DAPK1: variants seen among roughly 807,000 people sequenced by gnomAD.
DAPK1 encodes the protein death associated protein kinase 1.
A neutral mutation model predicts 144.9 loss-of-function variants in DAPK1; 56 were observed. That is an observed-to-expected ratio of 0.39 (90% CI 0.31 to 0.48). The LOEUF (loss-of-function observed/expected upper bound fraction) is 0.48, where lower values mean the gene tolerates loss of function less well. Among genes scored for constraint, DAPK1 ranks in the 20% least tolerant of loss-of-function variants. The pLI is 0.95. For synonymous variants in DAPK1, 690 were observed against 749.0 expected (o/e 0.92, Z 1.29); for missense variants, 1,454 against 1,875.4 (o/e 0.78, Z 4.15).
intron 2 of DAPK1, among the ~76,000 whole-genome samples, chr9:87,575,870 C>T (rs1466149166): frequency 6.6e-6 from 1 of 152,170 alleles, no homozygotes; most frequent in East Asian, 1.9e-4. Flanking sequence ...TTCTCAGGCA[C>T]TAAGGTGCTC....
chr9:87,692,952 CTT>C (rs61324273), intron 21 of DAPK1, among the ~76,000 whole-genome samples: 9 of 26,404 alleles, frequency 3.4e-4, no homozygotes, highest in East Asian at 1.3e-3. Flanking sequence ...AGTGACTAGA[CTT>C]TTTTTTTTTT....
chr9:87,702,868 T>C (rs1564078915), intron 24 of DAPK1, among the ~76,000 whole-genome samples, 161 bp from the exon 25 acceptor site: 2 of 151,104 alleles, frequency 1.3e-5, no homozygotes, highest in Non-Finnish European at 2.9e-5. Flanking sequence ...CGAGACCCAG[T>C]CTAAAAAAAG....
At chr9:87,705,994 G>A (rs1308824390) in intron 25 of DAPK1, 138 bp from the exon 26 acceptor site, 10 of 602,210 alleles carry the variant, frequency 1.7e-5, no homozygotes, top group East Asian at 7.7e-5. Flanking sequence ...ACGCATCCAC[G>A]TGGAATGGCC....
At position 87,706,798 on chromosome 9, in the gene DAPK1, C is replaced by T. The variant is rs756349430; in HGVS notation, c.3727C>T (p.Arg1243Trp). The change falls in exon 26 of 26, where the codon CGG becomes TGG. Residue 1243 changes from arginine (R) to tryptophan (W), a missense_variant. Coordinates refer to ENST00000408954, the MANE Select transcript of DAPK1 (RefSeq NM_004938.4). The surrounding 1 kb of genome is among the most constrained non-coding windows in gnomAD (Gnocchi z 9.0). ...GCATTACCTGAGCCCCCAGCAGCTGCGGGAGCACCATGAGCCCGTCATGAT... is the reference window on the plus strand; with the variant it reads ...GCATTACCTGAGCCCCCAGCAGCTGTGGGAGCACCATGAGCCCGTCATGAT... Reference protein sequence around the residue: ...VKHYLSPQQLREHHEPVMIYQ... With the variant: ...VKHYLSPQQLWEHHEPVMIYQ... 2 of 1,613,352 alleles carry T rather than the reference C, an allele frequency of 1.2e-6. No individual in the cohort carries two copies. The highest frequency in any genetic ancestry group is 1.7e-6 in the Non-Finnish European group (2 of 1,179,726).
At chr9:87,567,181 A>T (rs1167386972) in intron 2 of DAPK1, among the ~76,000 whole-genome samples, 1 of 152,172 alleles carries the variant, frequency 6.6e-6, no homozygotes, top group Non-Finnish European at 1.5e-5. Context: ...GACTTTAGAA[A>T]TGCTTGGCCT....
chr9:87,610,742 C>T (rs1179364231), intron 3 of DAPK1, among the ~76,000 whole-genome samples: 2 of 152,230 alleles, frequency 1.3e-5, no homozygotes, highest in African/African-American at 2.4e-5. Flanking sequence ...CCCTGAGGCC[C>T]CACCCCGAAG....
intron 2 of DAPK1, among the ~76,000 whole-genome samples, chr9:87,526,059 G>C (rs1825495584): frequency 6.6e-6 from 1 of 151,250 alleles, no homozygotes; most frequent in African/African-American, 2.4e-5. Context: ...TGTAATCCTA[G>C]CACTTTGGGA....
intron 24 of DAPK1, among the ~76,000 whole-genome samples, chr9:87,702,450 A>T (rs894223711): frequency 3.3e-5 from 5 of 152,210 alleles, no homozygotes; most frequent in Admixed American, 6.5e-5. Context: ...AATATTGATG[A>T]TGATACTCAT....
Position 87,664,245 on chromosome 9 carries a change from G to A in DAPK1, c.1924-4352G>A, listed in dbSNP as rs531517864. Among the ~76,000 whole-genome samples, 4 of 152,180 alleles carry A rather than the reference G, an allele frequency of 2.6e-5. No individual in the cohort carries two copies. The East Asian group carries it at 7.7e-4, about 29-fold the overall frequency. On this transcript the variant is annotated intron_variant, in intron 18 of 25. Transcript: ENST00000408954. ...TGTGGCTGGGTCCTGGGAAGCCCCT[G>A]CCGGCTCCCCCATCATGGAGTTGTC...
chr9:87,519,765 C>T (rs1825224165), intron 2 of DAPK1, among the ~76,000 whole-genome samples: 2 of 152,264 alleles, frequency 1.3e-5, no homozygotes, highest in African/African-American at 4.8e-5. Flanking sequence ...AGGTGGGGCC[C>T]AACCTTCTCG....
At chr9:87,657,000 G>A (rs1169466114) in intron 17 of DAPK1, among the ~76,000 whole-genome samples, 2 of 152,122 alleles carry the variant, frequency 1.3e-5, no homozygotes, top group Non-Finnish European at 2.9e-5. Context: ...TTTAAAAAGA[G>A]CATGTGTTAA....
intron 3 of DAPK1, chr9:87,632,180 G>A (rs997608523): frequency 5.5e-6 from 5 of 903,332 alleles, no homozygotes. Flanking sequence ...AGGAGTATGA[G>A]TATATATGTA....
chr9:87,559,500 A>C (rs910307827), intron 2 of DAPK1, among the ~76,000 whole-genome samples: 1 of 152,140 alleles, frequency 6.6e-6, no homozygotes, highest in African/African-American at 2.4e-5. Flanking sequence ...AATATTCTTT[A>C]ATTTTAGTTA....
intron 3 of DAPK1, among the ~76,000 whole-genome samples, chr9:87,621,811 C>T (rs1381954220): frequency 6.6e-6 from 1 of 152,164 alleles, no homozygotes; most frequent in African/African-American, 2.4e-5. Flanking sequence ...GCACCCCTCT[C>T]TACCCTCTCC....
intron 2 of DAPK1, among the ~76,000 whole-genome samples, chr9:87,538,125 G>A (rs181812725): frequency 1.5e-3 from 223 of 152,268 alleles, no homozygotes; most frequent in African/African-American, 5.2e-3. Flanking sequence ...CAAGACAATA[G>A]TTGTGGAATC....
chr9:87,638,188 G>C (rs1039101242), intron 4 of DAPK1, 107 bp downstream of exon 4: 2 of 1,224,324 alleles, frequency 1.6e-6, no homozygotes, highest in East Asian at 4.8e-5. Flanking sequence ...TGATTTTCCT[G>C]TACCAGTTTA....
chr9:87,566,671 C>A (rs745957070), intron 2 of DAPK1, among the ~76,000 whole-genome samples: 1 of 151,956 alleles, frequency 6.6e-6, no homozygotes, highest in African/African-American at 2.4e-5. Flanking sequence ...CTGATTGTGA[C>A]AAATACTAAA....
At chr9:87,587,374 A>G (rs1827972649) in intron 2 of DAPK1, among the ~76,000 whole-genome samples, 1 of 152,218 alleles carries the variant, frequency 6.6e-6, no homozygotes, top group Admixed American at 6.5e-5. Context: ...TCTTATATAG[A>G]ATAAGTACTG....
At chr9:87,562,317 T>A (rs1826960011) in intron 2 of DAPK1, among the ~76,000 whole-genome samples, 1 of 152,196 alleles carries the variant, frequency 6.6e-6, no homozygotes, top group African/African-American at 2.4e-5. Flanking sequence ...TGTCCTCCTG[T>A]GTCGTAACTC....
Sources: gnomAD v4.1 joint callset for allele counts (sites outside exome capture counted in the v4.1 genomes callset) on GRCh38, gnomAD v4.1.1 for gene constraint, Gnocchi (gnomAD v3.1) non-coding constraint, MANE v1.5 for transcripts, NCBI Gene and HGNC (gene_info 2026-07-23, HGNC 2026-07-21) for gene names.